Variants in MAP4K4 observed in about 807,000 individuals in gnomAD.
MAP4K4 encodes the protein mitogen-activated protein kinase kinase kinase kinase 4.
In MAP4K4, 38 loss-of-function variants were observed where a neutral mutation model predicts 189.6. The observed-to-expected ratio is 0.20, with a 90% CI of 0.15 to 0.26. MAP4K4 has a LOEUF of 0.26. MAP4K4 is among the 10% of genes least tolerant of loss of function. The pLI, the probability that MAP4K4 is intolerant of heterozygous loss-of-function variation, is 1.00. For missense variants in MAP4K4, 1,054 were observed against 1,726.9 expected, an observed-to-expected ratio of 0.61 and a Z score of 6.91; for synonymous variants, 610 against 624.3, an observed-to-expected ratio of 0.98 and a Z score of 0.34.
At chr2:101,873,742 C>T (rs750926584) in exon 25 of MAP4K4, 156 of 1,608,030 alleles carry the variant, frequency 9.7e-5, no homozygotes, top group African/African-American at 1.2e-4. Flanking sequence ...CTCCATCTAG[C>T]GGAACAACAG....
chr2:101,790,571 G>C, intron 2 of MAP4K4, 149 bp from the exon 3 acceptor site: 1 of 631,054 alleles, frequency 1.6e-6, no homozygotes, highest in Non-Finnish European at 2.9e-6. Flanking sequence ...TGTTGTATTG[G>C]AGAGCACAGG....
At chr2:101,856,120 G>A (rs1277712713) in exon 13 of MAP4K4, 2 of 1,551,374 alleles carry the variant, frequency 1.3e-6, no homozygotes, top group South Asian at 2.4e-5. Flanking sequence ...AAGAAAAGAG[G>A]AGAGTTGAAA....
At chr2:101,707,655 G>A (rs1429867095) in intron 2 of MAP4K4, among the ~76,000 whole-genome samples, 3 of 151,418 alleles carry the variant, frequency 2.0e-5, no homozygotes, top group Non-Finnish European at 4.4e-5. Flanking sequence ...TGGGACTACA[G>A]GTGTGCACCA....
intron 6 of MAP4K4, among the ~76,000 whole-genome samples, chr2:101,830,780 C>A (rs2096572122): frequency 6.6e-6 from 1 of 152,152 alleles, no homozygotes; most frequent in Non-Finnish European, 1.5e-5. Context: ...GATTGGTTAC[C>A]ATTGCCTTCC....
At chr2:101,894,502 TATTA>T (rs1188094527) in exon 33 of MAP4K4, 2 of 152,822 alleles carry the variant, frequency 1.3e-5, no homozygotes, top group Admixed American at 6.5e-5. Flanking sequence ...TTTTGCCAAT[TATTA>T]ATTTGCTAAA....
At chr2:101,826,442 G>A (rs1202060738) in intron 5 of MAP4K4, among the ~76,000 whole-genome samples, 1 of 152,110 alleles carries the variant, frequency 6.6e-6, no homozygotes, top group African/African-American at 2.4e-5. Flanking sequence ...TAGGGTGACA[G>A]GAGAACCATC....
intron 27 of MAP4K4, 143 bp from the exon 28 acceptor site, chr2:101,882,408 G>T: frequency 1.9e-6 from 1 of 523,936 alleles, no homozygotes; most frequent in Non-Finnish European, 3.2e-6. Context: ...TGTTTCTGTG[G>T]TACACATCTC....
At chr2:101,856,181 T>C in intron 13 of MAP4K4, 43 bp downstream of exon 13, 1 of 1,535,292 alleles carries the variant, frequency 6.5e-7, no homozygotes, top group Non-Finnish European at 8.8e-7. Context: ...TTGTGAAGTT[T>C]GTTACTTTGC....
At chr2:101,728,195 C>T (rs1304971405) in intron 2 of MAP4K4, among the ~76,000 whole-genome samples, 1 of 152,202 alleles carries the variant, frequency 6.6e-6, no homozygotes. Context: ...GCATATTTCT[C>T]TGCAGCATGC....
At chr2:101,726,879 T>C (rs1284203956) in intron 2 of MAP4K4, among the ~76,000 whole-genome samples, 16 of 152,158 alleles carry the variant, frequency 1.1e-4, no homozygotes. Flanking sequence ...TTGTGGAAAC[T>C]GAGAAGTTCA....
intron 3 of MAP4K4, among the ~76,000 whole-genome samples, chr2:101,822,125 TTAAA>T (rs1168136153): frequency 6.6e-6 from 1 of 152,236 alleles, no homozygotes; most frequent in Non-Finnish European, 1.5e-5. Context: ...TTTTTTTTGT[TTAAA>T]TAAATAGGAG....
chr2:101,850,994 T>C (rs1330756022), intron 12 of MAP4K4, among the ~76,000 whole-genome samples: 1 of 152,098 alleles, frequency 6.6e-6, no homozygotes, highest in Non-Finnish European at 1.5e-5. Flanking sequence ...TTTATCAAAA[T>C]ATGTTAGTTT....
intron 9 of MAP4K4, among the ~76,000 whole-genome samples, chr2:101,837,708 C>G (rs2096800253): frequency 6.6e-6 from 1 of 152,108 alleles, no homozygotes; most frequent in African/African-American, 2.4e-5. Context: ...TTCTTTATCT[C>G]TCTCAGATTT....
intron 3 of MAP4K4, among the ~76,000 whole-genome samples, chr2:101,792,979 C>G (rs1356720371): frequency 6.6e-6 from 1 of 152,146 alleles, no homozygotes; most frequent in Non-Finnish European, 1.5e-5. Flanking sequence ...AGTGTATTTC[C>G]TTTCAATCAT....
intron 2 of MAP4K4, among the ~76,000 whole-genome samples, chr2:101,702,563 C>CT: frequency 6.6e-6 from 1 of 152,170 alleles, no homozygotes; most frequent in South Asian, 2.1e-4. Flanking sequence ...GAGTGAAACT[C>CT]TGTCTCAAAA....
At chr2:101,699,024 T>C (rs1354043791) in intron 2 of MAP4K4, among the ~76,000 whole-genome samples, 1 of 152,174 alleles carries the variant, frequency 6.6e-6, no homozygotes, top group Non-Finnish European at 1.5e-5. Flanking sequence ...GGGAATACTT[T>C]ATAACTGTGG....
intron 22 of MAP4K4, chr2:101,870,080 C>T (rs2097937957): frequency 1.6e-6 from 1 of 620,490 alleles, no homozygotes; most frequent in Non-Finnish European, 2.8e-6. Context: ...CTTTAATTAG[C>T]CATAATTATT....
intron 2 of MAP4K4, among the ~76,000 whole-genome samples, chr2:101,713,711 A>G (rs2149343014): frequency 7.3e-6 from 1 of 137,450 alleles, no homozygotes; most frequent in African/African-American, 2.5e-5. Context: ...CCTCACCAGC[A>G]TGGCGAAACC....
At chr2:101,808,495 T>C (rs924056849) in intron 3 of MAP4K4, among the ~76,000 whole-genome samples, 14 of 152,086 alleles carry the variant, frequency 9.2e-5, no homozygotes, top group African/African-American at 3.1e-4. Context: ...CTTCTGCTTA[T>C]CAGGATGATA....
Sources: gnomAD v4.1 joint callset for allele counts (sites outside exome capture counted in the v4.1 genomes callset) on GRCh38, gnomAD v4.1.1 for gene constraint, MANE v1.5 for transcripts, NCBI Gene and HGNC (gene_info 2026-07-23, HGNC 2026-07-21) for gene names.